PAX5: variants seen among roughly 807,000 people sequenced by gnomAD.
PAX5 encodes paired box protein Pax-5.
In PAX5, 9 loss-of-function variants were observed where a neutral mutation model predicts 43.7. The observed-to-expected ratio is 0.21, with a 90% CI of 0.12 to 0.36. The LOEUF (loss-of-function observed/expected upper bound fraction) is 0.36, where lower values mean the gene tolerates loss of function less well. PAX5 is among the 10% of genes least tolerant of loss of function. The pLI is 1.00. For synonymous variants in PAX5, 228 were observed against 214.3 expected (o/e 1.06, Z -0.56); for missense variants, 383 against 532.7 (o/e 0.72, Z 2.77).
intron 5 of PAX5, among the ~76,000 whole-genome samples, chr9:36,989,858 CA>C (rs1836778866): frequency 6.6e-6 from 1 of 152,190 alleles, no homozygotes; most frequent in Admixed American, 6.5e-5. Context: ...TGTTGTGAAC[CA>C]GGCCCTGTGC....
chr9:37,027,489 T>A (rs1316783566), intron 1 of PAX5, among the ~76,000 whole-genome samples: 12 of 152,224 alleles, frequency 7.9e-5, no homozygotes, highest in Admixed American at 7.9e-4. Flanking sequence ...ACGGCCGCCG[T>A]GCCTGCCCCA....
intron 5 of PAX5, among the ~76,000 whole-genome samples, chr9:36,988,676 AAAAAAAAAAAG>A (rs57675872): frequency 0.41 from 54,392 of 131,820 alleles, 10,797 homozygotes; most frequent in East Asian, 0.61. Context: ...AAAAAAAAAA[AAAAAAAAAAAG>A]AGAGAGAGAG....
At chr9:36,907,983 C>G (rs996291003) in intron 7 of PAX5, among the ~76,000 whole-genome samples, 2 of 151,986 alleles carry the variant, frequency 1.3e-5, no homozygotes, top group African/African-American at 2.4e-5. Flanking sequence ...GAGGATTGCT[C>G]GAGCCCAGGA....
intron 1 of PAX5, among the ~76,000 whole-genome samples, chr9:37,033,197 G>A (rs777506326): frequency 2.6e-5 from 4 of 152,230 alleles, no homozygotes; most frequent in Non-Finnish European, 5.9e-5. Flanking sequence ...TGCACACCAA[G>A]AGGCTGCATG....
chr9:36,914,705 G>T (rs181148802), intron 7 of PAX5, among the ~76,000 whole-genome samples: 8 of 152,248 alleles, frequency 5.3e-5, no homozygotes, highest in African/African-American at 1.9e-4. Context: ...AGGGGATGCT[G>T]GGTGGAACTG....
intron 7 of PAX5, among the ~76,000 whole-genome samples, chr9:36,889,027 T>C (rs1354169287): frequency 1.3e-5 from 2 of 152,190 alleles, no homozygotes; most frequent in African/African-American, 4.8e-5. Context: ...AGGGTATTTA[T>C]TGGGAGTGTA....
At position 37,034,195 on chromosome 9, in the gene PAX5, G is replaced by C. The variant is rs535302981; in HGVS notation, c.-164C>G. On this transcript the variant is annotated 5_prime_UTR_variant, in exon 1 of 10. It adds an upstream start codon to the 5' untranslated region. Coordinates refer to ENST00000358127, the MANE Select transcript of PAX5 (RefSeq NM_016734.3). ...GCTCCCCCGCCGAGCTGGGGTAGCT[G>C]ATCACTGAGCTGAAACTAAACGTTT... is the stretch of plus-strand genomic sequence containing the variant. 2 of 596,966 alleles carry C rather than the reference G, an allele frequency of 3.4e-6. No individual in the cohort carries two copies. Among genetic ancestry groups the C allele is most frequent in the Admixed American group, 3.1e-5 (1 of 32,174 alleles). 37.0% of individuals were successfully genotyped at this position (596,966 alleles called of 1,614,324 possible).
chr9:37,023,334 T>C (rs1840019490), intron 1 of PAX5, among the ~76,000 whole-genome samples: 1 of 152,178 alleles, frequency 6.6e-6, no homozygotes, highest in Non-Finnish European at 1.5e-5. Flanking sequence ...CTTTGTTTTC[T>C]GGGGTGCCAG....
rs1821719384 is a variant in PAX5, at chr9:36,837,456, AGG to A, written c.*3102_*3103del. 2 of 233,202 alleles carry A rather than the reference AGG, an allele frequency of 8.6e-6. No individual in the cohort carries two copies. The highest frequency in any genetic ancestry group is 1.1e-4 in the Admixed American group (2 of 17,784). The allele number at this position is 233,202 out of a possible 1,614,324, so 14.4% of individuals were successfully genotyped here. A position where few individuals can be genotyped will look rare whatever the true frequency, so the allele number is the denominator to read the frequency against. ...TTTCCAAAAGTCAGAGCTCGAACAC[AGG>A]GAAGAAGGCCCATGGAGAAATGCCC... On this transcript the variant is annotated 3_prime_UTR_variant, in exon 10 of 10. Transcript: ENST00000358127.
At chr9:36,988,702 A>G (rs150624640) in intron 5 of PAX5, among the ~76,000 whole-genome samples, 1 of 151,230 alleles carries the variant, frequency 6.6e-6, no homozygotes, top group African/African-American at 2.4e-5. Context: ...AGAGAGAGAG[A>G]AAACAAAAAA....
intron 5 of PAX5, among the ~76,000 whole-genome samples, chr9:36,993,152 G>A (rs1647796913): frequency 2.6e-5 from 4 of 152,206 alleles, no homozygotes; most frequent in African/African-American, 9.6e-5. Flanking sequence ...AGCTATGAGA[G>A]TCCAGCTGTT....
chr9:36,842,519 C>T (rs992540058), intron 9 of PAX5, among the ~76,000 whole-genome samples: 4 of 152,194 alleles, frequency 2.6e-5, no homozygotes, highest in Non-Finnish European at 4.4e-5. Context: ...AGCGGGCCTC[C>T]GTGTGAAAGC....
rs563463933 is a variant in PAX5 at position 37,033,690 on chromosome 9, T to C, written c.46+296A>G. 8.5e-5 allele frequency among the ~76,000 whole-genome samples: 13 copies of C among 152,204 alleles called. No individual in the cohort carries two copies. The South Asian group carries it at 2.1e-3, about 24-fold the overall frequency. ...ACATCTTTTAAAAATACATATACTG[T>C]AATGAACACACTGAGTCCCTTATAT... On this transcript the variant is annotated intron_variant, in intron 1 of 9. Coordinates refer to ENST00000358127, the MANE Select transcript of PAX5 (RefSeq NM_016734.3).
intron 3 of PAX5, among the ~76,000 whole-genome samples, chr9:37,011,396 C>T (rs1436656935): frequency 6.6e-6 from 1 of 152,220 alleles, no homozygotes; most frequent in Non-Finnish European, 1.5e-5. Context: ...CACGTTCTCA[C>T]ATGACCCAAC....
At chr9:36,892,478 T>C (rs1827488564) in intron 7 of PAX5, among the ~76,000 whole-genome samples, 1 of 152,220 alleles carries the variant, frequency 6.6e-6, no homozygotes, top group Non-Finnish European at 1.5e-5. Context: ...GGAGATATCA[T>C]CAAGCTTTAC....
chr9:36,911,527 A>G (rs1829290875), intron 7 of PAX5, among the ~76,000 whole-genome samples: 1 of 152,186 alleles, frequency 6.6e-6, no homozygotes, highest in Admixed American at 6.5e-5. Context: ...CGTGGCCGAC[A>G]CTCAGTTGCA....
chr9:37,023,838 A>C (rs956927669), intron 1 of PAX5, among the ~76,000 whole-genome samples: 6 of 152,186 alleles, frequency 3.9e-5, no homozygotes, highest in African/African-American at 1.4e-4. Flanking sequence ...GGGCACAGGG[A>C]AAGGGCAGGG....
chr9:36,855,454 A>T (rs903636759), intron 8 of PAX5, among the ~76,000 whole-genome samples: 24 of 152,138 alleles, frequency 1.6e-4, no homozygotes, highest in Non-Finnish European at 2.8e-4. Context: ...CTATTCCAAA[A>T]TTCTGTCCTG....
At chr9:36,993,435 T>C (rs1245964862) in intron 5 of PAX5, among the ~76,000 whole-genome samples, 1 of 152,092 alleles carries the variant, frequency 6.6e-6, no homozygotes, top group Non-Finnish European at 1.5e-5. Context: ...CCTACAATAA[T>C]GCCAAGAGGA....
Sources: gnomAD v4.1 joint callset for allele counts (sites outside exome capture counted in the v4.1 genomes callset) on GRCh38, gnomAD v4.1.1 for gene constraint, MANE v1.5 for transcripts, NCBI Gene and HGNC (gene_info 2026-07-23, HGNC 2026-07-21) for gene names.